The following GALNTL6 variants were observed in gnomAD, a reference collection of about 807,000 sequenced individuals.
GALNTL6 encodes polypeptide N-acetylgalactosaminyltransferase-like 6.
Under a neutral mutation model 73.7 loss-of-function variants are expected in GALNTL6, and 46 were observed. The ratio of observed to expected loss-of-function variants is 0.62; its 90% CI spans 0.49 to 0.80. The LOEUF is 0.80. GALNTL6 is among the 30% of genes least tolerant of loss of function. The pLI is 0.00. For missense variants in GALNTL6, 604 were observed against 755.0 expected (o/e 0.80, Z 2.34); for synonymous variants, 259 against 263.7 (o/e 0.98, Z 0.17).
chr4:172,545,421 C>T (rs1161951698), intron 5 of GALNTL6, among the ~76,000 whole-genome samples: 1 of 152,168 alleles, frequency 6.6e-6, no homozygotes, highest in Non-Finnish European at 1.5e-5. Context: ...CTCAGCCACT[C>T]CTCACTTCAA....
intron 5 of GALNTL6, among the ~76,000 whole-genome samples, chr4:172,548,961 T>C (rs2110894246): frequency 6.6e-6 from 1 of 152,314 alleles, no homozygotes; most frequent in East Asian, 1.9e-4. Flanking sequence ...TTTAAGTAGA[T>C]ACTGAAGTAC....
intron 5 of GALNTL6, among the ~76,000 whole-genome samples, chr4:172,753,926 A>C (rs1737584836): frequency 2.0e-5 from 3 of 152,166 alleles, no homozygotes; most frequent in Admixed American, 2.0e-4. Context: ...AGTGCTAATG[A>C]GAAGGGAGAC....
chr4:172,031,167 G>A (rs1391363148), intron 2 of GALNTL6, among the ~76,000 whole-genome samples: 1 of 152,078 alleles, frequency 6.6e-6, no homozygotes, highest in African/African-American at 2.4e-5. Context: ...CTAAGATCAA[G>A]TGTGTCACCA....
At chr4:172,553,144 T>G (rs1360603104) in intron 5 of GALNTL6, among the ~76,000 whole-genome samples, 1 of 152,174 alleles carries the variant, frequency 6.6e-6, no homozygotes, top group East Asian at 1.9e-4. Context: ...TTGCCAATAT[T>G]TGGTTTTCTG....
At chr4:172,655,916 G>A (rs923137649) in intron 5 of GALNTL6, among the ~76,000 whole-genome samples, 1 of 152,140 alleles carries the variant, frequency 6.6e-6, no homozygotes, top group African/African-American at 2.4e-5. Flanking sequence ...AAGAATGAAA[G>A]GAAAGAACGA....
intron 5 of GALNTL6, among the ~76,000 whole-genome samples, chr4:172,494,472 G>A (rs905183511): frequency 6.6e-6 from 1 of 152,100 alleles, no homozygotes; most frequent in African/African-American, 2.4e-5. Flanking sequence ...TTCTGCAGAG[G>A]GACAGAACTA....
At chr4:172,275,992 G>A (rs1017859186) in intron 3 of GALNTL6, among the ~76,000 whole-genome samples, 2 of 152,132 alleles carry the variant, frequency 1.3e-5, no homozygotes, top group African/African-American at 4.8e-5. Context: ...GCTTCACATG[G>A]TTTCCACTTT....
chr4:172,707,525 T>C (rs1031868698), intron 5 of GALNTL6, among the ~76,000 whole-genome samples: 4 of 152,206 alleles, frequency 2.6e-5, no homozygotes, highest in Non-Finnish European at 5.9e-5. Context: ...AGAAAGGTAT[T>C]GCTTAAATTC....
At chr4:172,051,429 G>A (rs13145305) in intron 2 of GALNTL6, among the ~76,000 whole-genome samples, 1 of 152,106 alleles carries the variant, frequency 6.6e-6, no homozygotes, top group Non-Finnish European at 1.5e-5. Flanking sequence ...AAGGATAAAT[G>A]CAGGGATTTT....
chr4:172,094,694 CTTCAT>C (rs952610219), intron 2 of GALNTL6, among the ~76,000 whole-genome samples: 2 of 152,008 alleles, frequency 1.3e-5, no homozygotes, highest in South Asian at 2.1e-4. Flanking sequence ...TTCTTATTCT[CTTCAT>C]TTATTTCCCA....
At chr4:172,156,541 A>ATATATATATATATATAGTG (rs1560945542) in intron 2 of GALNTL6, among the ~76,000 whole-genome samples, 4 of 7,410 alleles carry the variant, frequency 5.4e-4, no homozygotes, top group African/African-American at 1.0e-3. Flanking sequence ...TATATATATA[A>ATATATATATATATATAGTG]TATATATATA....
chr4:172,591,150 C>T (rs1346479176), intron 5 of GALNTL6, among the ~76,000 whole-genome samples: 2 of 152,126 alleles, frequency 1.3e-5, no homozygotes, highest in Non-Finnish European at 2.9e-5. Flanking sequence ...AATTTAGCCT[C>T]ATTCTGTTTT....
At chr4:172,170,067 G>T (rs1734760630) in intron 2 of GALNTL6, among the ~76,000 whole-genome samples, 1 of 152,186 alleles carries the variant, frequency 6.6e-6, no homozygotes, top group South Asian at 2.1e-4. Flanking sequence ...TCCATCATCT[G>T]CACCTCTTCC....
At chr4:172,049,829 C>A (rs1477986437) in intron 2 of GALNTL6, among the ~76,000 whole-genome samples, 1 of 151,994 alleles carries the variant, frequency 6.6e-6, no homozygotes, top group Non-Finnish European at 1.5e-5. Flanking sequence ...ACTAAAAATA[C>A]AAAAGTTAGC....
Position 173,026,475 on chromosome 4 carries a change from TG to T in GALNTL6, c.1638+4851del, listed in dbSNP as rs1217229639. ...CGGAGAAAGTCCTTAAGCAGAGAGA[TG>T]CAGTGACATCCGGGCCAGCATGCAC... On this transcript the variant is annotated intron_variant, in intron 12 of 12. Coordinates refer to ENST00000506823, the MANE Select transcript of GALNTL6 (RefSeq NM_001034845.3). Among the ~76,000 whole-genome samples, 4 of 152,196 alleles carry T rather than the reference TG, an allele frequency of 2.6e-5. No individual in the cohort carries two copies. In the East Asian group the frequency reaches 5.8e-4, roughly 22 times the overall value.
At chr4:172,653,050 C>T (rs1740549138) in intron 5 of GALNTL6, among the ~76,000 whole-genome samples, 1 of 151,944 alleles carries the variant, frequency 6.6e-6, no homozygotes, top group Non-Finnish European at 1.5e-5. Context: ...ACTACCTGCT[C>T]ATCAAAGATC....
At chr4:172,726,055 T>C (rs1735779115) in intron 5 of GALNTL6, among the ~76,000 whole-genome samples, 1 of 152,208 alleles carries the variant, frequency 6.6e-6, no homozygotes, top group African/African-American at 2.4e-5. Context: ...TTCAGAGCCC[T>C]GATTCAGCGA....
At chr4:172,233,745 C>T (rs929930801) in intron 3 of GALNTL6, among the ~76,000 whole-genome samples, 69 of 152,126 alleles carry the variant, frequency 4.5e-4, no homozygotes, top group African/African-American at 1.6e-3. Context: ...GTCATTCTTA[C>T]ATTGTACTCT....
intron 2 of GALNTL6, among the ~76,000 whole-genome samples, chr4:172,197,266 A>G (rs997712595): frequency 2.0e-5 from 3 of 152,152 alleles, no homozygotes; most frequent in African/African-American, 7.2e-5. Context: ...AGAACTACAA[A>G]CGACTGCTCA....
Sources: gnomAD v4.1 joint callset for allele counts (sites outside exome capture counted in the v4.1 genomes callset) on GRCh38, gnomAD v4.1.1 for gene constraint, MANE v1.5 for transcripts, NCBI Gene and HGNC (gene_info 2026-07-23, HGNC 2026-07-21) for gene names.